Variants in RYR2 observed in about 807,000 individuals in gnomAD.
RYR2 encodes the protein ryanodine receptor 2.
In RYR2, 227 loss-of-function variants were observed where a neutral mutation model predicts 601.1. The observed-to-expected ratio is 0.38, with a 90% CI of 0.34 to 0.42. RYR2 has a LOEUF of 0.42. Among genes scored for constraint, RYR2 ranks in the 10% least tolerant of loss-of-function variants. The pLI is 1.00. For missense variants in RYR2, 4,646 were observed against 6,156.5 expected (o/e 0.75, Z 8.21); for synonymous variants, 2,223 against 2,175.1 (o/e 1.02, Z -0.61).
chr1:237,677,272 C>T (rs547854736), intron 60 of RYR2, among the ~76,000 whole-genome samples: 2 of 152,246 alleles, frequency 1.3e-5, no homozygotes, highest in African/African-American at 4.8e-5. Flanking sequence ...ATATGTTCTG[C>T]ATGCCATCGT....
rs1234087228 is a variant in RYR2 at position 237,610,481 on chromosome 1, C to G, written c.4684-281C>G. Among the ~76,000 whole-genome samples, 1 of 152,124 alleles carries G rather than the reference C, an allele frequency of 6.6e-6. No individual in the cohort carries two copies. Among genetic ancestry groups the G allele is most frequent in the Non-Finnish European group, 1.5e-5 (1 of 68,032 alleles). On this transcript the variant is annotated intron_variant, in intron 35 of 104. Coordinates refer to ENST00000366574, the MANE Select transcript of RYR2 (RefSeq NM_001035.3). The surrounding 1 kb of genome is among the most constrained non-coding windows in gnomAD (Gnocchi z 4.9). ...GAAATATAAAGGATATATGGGTATG[C>G]TTGGCCTTCTCTCTGTGCCATTCAG...
At chr1:237,172,074 G>A (rs1422684792) in intron 1 of RYR2, among the ~76,000 whole-genome samples, 2 of 152,182 alleles carry the variant, frequency 1.3e-5, no homozygotes, top group African/African-American at 4.8e-5. Context: ...ATTAATCAGA[G>A]CCCCTGGCTT....
At chr1:237,229,871 C>G (rs558156284) in intron 1 of RYR2, among the ~76,000 whole-genome samples, 1 of 152,348 alleles carries the variant, frequency 6.6e-6, no homozygotes, top group East Asian at 1.9e-4. Context: ...CCTGCGTCCA[C>G]TCTGACTCCA....
At chr1:237,042,708 C>A in intron 1 of RYR2, 139 bp downstream of exon 1, 4 of 802,612 alleles carry the variant, frequency 5.0e-6, no homozygotes, top group South Asian at 1.3e-4. Flanking sequence ...GCGGGAGGAG[C>A]GGGCATCACC....
chr1:237,327,748 A>G (rs1250605965), intron 2 of RYR2, among the ~76,000 whole-genome samples: 1 of 152,308 alleles, frequency 6.6e-6, no homozygotes, highest in East Asian at 1.9e-4. Flanking sequence ...AGTTCTTTTT[A>G]TATTCTTGAC....
rs775417996 is a variant in RYR2, at chr1:237,784,085, G to A, written c.12373G>A (p.Val4125Ile). ...GACTTTTCTGGAATTAGCAGAGAGCGTCCTGAATTATTTCCAGCCCTTTCT... is the reference window on the plus strand; with the variant it reads ...GACTTTTCTGGAATTAGCAGAGAGCATCCTGAATTATTTCCAGCCCTTTCT... The part of the protein sequence containing the change: ...LQTFLELAES[V>I]LNYFQPFLGR... Residue 4125 changes from valine (V) to isoleucine (I), a missense_variant, in exon 90 of 105, where the codon GTC becomes ATC. Coordinates refer to ENST00000366574, the MANE Select transcript of RYR2 (RefSeq NM_001035.3). This position sits in a 1 kb window ranked among gnomAD's most constrained non-coding sequence, Gnocchi z 7.1. 2 of 1,613,990 alleles carry A rather than the reference G, an allele frequency of 1.2e-6. No individual in the cohort carries two copies. The highest frequency in any genetic ancestry group is 8.5e-7 in the Non-Finnish European group (1 of 1,179,894).
chr1:237,391,571 A>T (rs1702384773), intron 10 of RYR2, among the ~76,000 whole-genome samples: 1 of 152,174 alleles, frequency 6.6e-6, no homozygotes, highest in Non-Finnish European at 1.5e-5. Flanking sequence ...TAGTCTGGTC[A>T]TAAATGCTGT....
At chr1:237,070,813 G>A (rs1033003179) in intron 1 of RYR2, among the ~76,000 whole-genome samples, 2 of 152,248 alleles carry the variant, frequency 1.3e-5, no homozygotes, top group African/African-American at 4.8e-5. Flanking sequence ...CCTACTGCAA[G>A]TGGCTTCTGC....
intron 1 of RYR2, among the ~76,000 whole-genome samples, chr1:237,224,058 A>G (rs1474645659): frequency 6.6e-6 from 1 of 152,232 alleles, no homozygotes; most frequent in Non-Finnish European, 1.5e-5. Context: ...ATCTTGTGGG[A>G]CAAGATAATA....
chr1:237,130,419 A>T (rs755447351), intron 1 of RYR2, among the ~76,000 whole-genome samples: 1 of 152,158 alleles, frequency 6.6e-6, no homozygotes, highest in Non-Finnish European at 1.5e-5. Flanking sequence ...TCCCCTTAAA[A>T]ATCATCTCAC....
chr1:237,657,141 T>A (rs1683322466), intron 53 of RYR2, among the ~76,000 whole-genome samples: 1 of 152,174 alleles, frequency 6.6e-6, no homozygotes, highest in South Asian at 2.1e-4. Context: ...GATACAGGTT[T>A]ATGTGGTGAT....
At chr1:237,677,997 C>A in intron 60 of RYR2, 51 bp from the exon 61 acceptor site, 1 of 1,043,080 alleles carries the variant, frequency 9.6e-7, no homozygotes, top group Non-Finnish European at 1.5e-6. Flanking sequence ...GGATGAATAT[C>A]TTGCAATGTT....
At chr1:237,615,819 C>A (rs762044004) in intron 37 of RYR2, among the ~76,000 whole-genome samples, 3 of 152,142 alleles carry the variant, frequency 2.0e-5, no homozygotes, top group Non-Finnish European at 4.4e-5. Context: ...AAAGAAAGAA[C>A]ATTTAGACTG....
At chr1:237,539,825 A>G (rs1022796760) in intron 25 of RYR2, among the ~76,000 whole-genome samples, 2 of 152,326 alleles carry the variant, frequency 1.3e-5, no homozygotes, top group Non-Finnish European at 2.9e-5. Flanking sequence ...CATCCTGCAC[A>G]TTTACCCCAG....
chr1:237,051,738 G>C (rs1399038658), intron 1 of RYR2, among the ~76,000 whole-genome samples: 1 of 152,140 alleles, frequency 6.6e-6, no homozygotes, highest in Admixed American at 6.5e-5. Flanking sequence ...ATCCCTCAGA[G>C]GTAGCTACCT....
chr1:237,758,786 A>G (rs1693168441), intron 82 of RYR2, among the ~76,000 whole-genome samples: 2 of 152,168 alleles, frequency 1.3e-5, no homozygotes, highest in African/African-American at 4.8e-5. Flanking sequence ...ATCATCTTGT[A>G]TGTGCTTTTA....
intron 80 of RYR2, among the ~76,000 whole-genome samples, chr1:237,747,980 C>T (rs1309038856): frequency 1.3e-5 from 2 of 152,032 alleles, no homozygotes; most frequent in African/African-American, 2.4e-5. Flanking sequence ...CCAGTACTCA[C>T]GCTGATTGCC....
intron 12 of RYR2, among the ~76,000 whole-genome samples, chr1:237,426,767 G>A (rs1057215086): frequency 1.3e-5 from 2 of 152,110 alleles, no homozygotes; most frequent in African/African-American, 4.8e-5. Flanking sequence ...ATTTTAAAAA[G>A]CTGGGAGTCT....
intron 87 of RYR2, among the ~76,000 whole-genome samples, chr1:237,776,214 G>C (rs529964711): frequency 4.1e-4 from 63 of 152,240 alleles, no homozygotes; most frequent in African/African-American, 1.5e-3. Flanking sequence ...TCGACCACAG[G>C]AAAATCCTAA....
Sources: allele counts gnomAD v4.1 joint callset (sites outside exome capture counted in the v4.1 genomes callset), GRCh38; gene constraint gnomAD v4.1.1; non-coding constraint Gnocchi (gnomAD v3.1); transcripts MANE v1.5; gene names NCBI Gene and HGNC (gene_info 2026-07-23, HGNC 2026-07-21).